LY9: variants seen among roughly 807,000 people sequenced by gnomAD.
The protein encoded by LY9 is lymphocyte antigen 9.
A neutral mutation model predicts 64.6 loss-of-function variants in LY9; 59 were observed. The ratio of observed to expected loss-of-function variants is 0.91; its 90% CI spans 0.74 to 1.13. LY9 has a LOEUF of 1.13. Among genes scored for constraint, LY9 ranks in the 50% most tolerant of loss-of-function variants. LY9 has a pLI of 0.00. For synonymous variants in LY9, 281 were observed against 308.5 expected (o/e 0.91, Z 0.93); for missense variants, 789 against 797.2 (o/e 0.99, Z 0.12).
Position 160,813,829 on chromosome 1 carries a change from A to T in LY9, c.648A>T (p.Pro216=). 6.2e-7 allele frequency: 1 copy of T among 1,614,202 alleles called. No homozygotes were observed. Among genetic ancestry groups the T allele is most frequent in the Non-Finnish European group, 8.5e-7 (1 of 1,180,040 alleles). ...ILTVSRTPCD[P]DLPYICTAQN... ...CCGTCTCCCGAACACCATGTGACCC[A>T]GACCTGCCATACATCTGCACAGCCC... The change falls in exon 3 of 10, where the codon CCA becomes CCT. Residue 216 remains proline (P), a synonymous_variant. Transcript: ENST00000263285.
chr1:160,813,886 T>G lies in LY9; in HGVS notation c.705T>G (p.Pro235=), dbSNP rs1427738266. 1.2e-6 allele frequency: 2 copies of G among 1,614,114 alleles called. No homozygotes were observed. Among genetic ancestry groups the G allele is most frequent in the Non-Finnish European group, 8.5e-7 (1 of 1,179,990 alleles). The change falls in exon 3 of 10, where the codon CCT becomes CCG. Residue 235 remains proline, a synonymous_variant. Transcript: ENST00000263285. The part of the protein sequence containing the change: ...QNPVSQRSSL[P]VHVGQFCTDP... ...CCGTCAGCCAGAGAAGCTCCCTCCCTGTCCATGTTGGGCAGTTCTGTACAG... is the reference window on the plus strand; with the variant it reads ...CCGTCAGCCAGAGAAGCTCCCTCCCGGTCCATGTTGGGCAGTTCTGTACAG...
intron 1 of LY9, chr1:160,797,190 G>A (rs146470952): frequency 1.0e-6 from 1 of 985,516 alleles, no homozygotes; most frequent in Admixed American, 6.1e-5. Context: ...CAGTACCCCA[G>A]AGAGGATCTC....
rs1184975678 is a variant in LY9, at chr1:160,799,802, C to A, written c.174C>A (p.Ile58=). ...KDSAPTVVSG[I]LGGSVTLPLN... ...CAGCCCCAACAGTGGTGTCAGGGAT[C>A]CTAGGGGGTTCCGTGACTCTCCCCC... The change falls in exon 2 of 10, where the codon ATC becomes ATA. Residue 58 remains isoleucine (I), a synonymous_variant. Coordinates refer to ENST00000263285, the MANE Select transcript of LY9 (RefSeq NM_002348.4). 6.2e-7 allele frequency: 1 copy of A among 1,613,894 alleles called. No homozygotes were observed. The highest frequency in any genetic ancestry group is 8.5e-7 in the Non-Finnish European group (1 of 1,179,844).
intron 9 of LY9, 46 bp from the exon 10 acceptor site, chr1:160,827,702 C>G: frequency 1.3e-6 from 2 of 1,484,114 alleles, no homozygotes. Flanking sequence ...CCTCACTCTT[C>G]CAAGGCTTTA....
intron 2 of LY9, chr1:160,801,760 C>T (rs1228152950): frequency 6.4e-7 from 1 of 1,553,338 alleles, no homozygotes; most frequent in South Asian, 1.1e-5. Flanking sequence ...CAACTTCATT[C>T]TTCTGCATGT....
intron 2 of LY9, chr1:160,802,135 TG>T (rs754771191): frequency 5.4e-4 from 720 of 1,322,056 alleles, no homozygotes; most frequent in Non-Finnish European, 6.6e-4. Flanking sequence ...TCCTGGTCTG[TG>T]AAGAGCCGCT....
chr1:160,808,982 C>T (rs896000816), intron 2 of LY9, among the ~76,000 whole-genome samples: 1 of 152,010 alleles, frequency 6.6e-6, no homozygotes, highest in Non-Finnish European at 1.5e-5. Context: ...TATATAATCG[C>T]CATAATTCAT....
At chr1:160,807,819 G>T (rs1048590462) in intron 2 of LY9, among the ~76,000 whole-genome samples, 1 of 152,126 alleles carries the variant, frequency 6.6e-6, no homozygotes, top group Admixed American at 6.5e-5. Flanking sequence ...AGTGGATTGG[G>T]TTGGGCAATC....
chr1:160,812,001 C>G (rs1667513038), intron 2 of LY9: 1 of 152,252 alleles, frequency 6.6e-6, no homozygotes, highest in African/African-American at 2.4e-5. Context: ...CATCCCACTT[C>G]TGGTATCAAA....
rs753846987 is a variant in LY9 at position 160,827,845 on chromosome 1, G to A, written c.*29G>A. 1.3e-6 allele frequency: 2 copies of A among 1,589,552 alleles called. No individual in the cohort carries two copies. The highest frequency in any genetic ancestry group is 4.5e-5 in the East Asian group (2 of 44,090). On this transcript the variant is annotated 3_prime_UTR_variant, in exon 10 of 10. Transcript: ENST00000263285. Reference sequence around the variant, plus strand: ...GAAAAGCAGCTGCTGCCTCTCTCCTGGGACCGTGGGGTTGGAAAGTCAGCT... The same window carrying A: ...GAAAAGCAGCTGCTGCCTCTCTCCTAGGACCGTGGGGTTGGAAAGTCAGCT...
rs965061878 is a variant in LY9, at chr1:160,818,386, T to C, written c.1444+67T>C. On this transcript the variant is annotated intron_variant, in intron 6 of 9. Coordinates refer to ENST00000263285, the MANE Select transcript of LY9 (RefSeq NM_002348.4). ...TTTCCCTGGGACTTGTGGAGGCTTCTCTGCCCTCACACAATCCCGTGCTAC... is the reference window on the plus strand; with the variant it reads ...TTTCCCTGGGACTTGTGGAGGCTTCCCTGCCCTCACACAATCCCGTGCTAC... The C allele has an allele frequency of 5.9e-6, 7 of 1,193,748 alleles. No homozygotes were observed. The African/African-American group carries it at 1.1e-4, about 18-fold the overall frequency. 73.9% of individuals were successfully genotyped at this position (1,193,748 alleles called of 1,614,324 possible).
chr1:160,802,033 C>A (rs969298084), intron 2 of LY9: 27 of 1,453,910 alleles, frequency 1.9e-5, no homozygotes, highest in Non-Finnish European at 2.3e-5. Flanking sequence ...CCACTGCCCC[C>A]CGAGGCTGCT....
At chr1:160,798,001 T>C (rs1666059914) in intron 1 of LY9, among the ~76,000 whole-genome samples, 2 of 152,176 alleles carry the variant, frequency 1.3e-5, no homozygotes, top group Admixed American at 1.3e-4. Context: ...AGTTTTGCAA[T>C]CTTTGAATGC....
intron 7 of LY9, among the ~76,000 whole-genome samples, chr1:160,821,167 A>AAAAAAC (rs1553192089): frequency 1.3e-5 from 2 of 151,548 alleles, no homozygotes; most frequent in Admixed American, 6.6e-5. Context: ...AAAAAAAAAA[A>AAAAAAC]AACCATATAT....
rs1218503960 is a variant in LY9 at position 160,818,099 on chromosome 1, CT to C, written c.1343-116del. The C allele has an allele frequency of 4.2e-5, 29 of 686,044 alleles. No individual in the cohort carries two copies. The African/African-American group carries it at 4.4e-4, about 10-fold the overall frequency. The allele number at this position is 686,044 out of a possible 1,614,324, so 42.5% of individuals were successfully genotyped here. On this transcript the variant is annotated intron_variant, in intron 5 of 9. Transcript: ENST00000263285. ...GTTGTAGAATGAATGAAAAGAAAGACTTTCCACAACGTCATGGATTTTAAGG... is the reference window on the plus strand; with the variant it reads ...GTTGTAGAATGAATGAAAAGAAAGACTTCCACAACGTCATGGATTTTAAGG...
chr1:160,818,317 G>T lies in LY9; in HGVS notation c.1442G>T (p.Arg481Leu), dbSNP rs375643784. Residue 481 changes from arginine (R) to leucine (L), a missense_variant and splice_region_variant, in exon 6 of 10, where the codon CGG (arginine) becomes CTG (leucine). Transcript: ENST00000263285. Reference protein sequence around the residue: ...FSWCIWKRKGRCSVPAFCSSQ... With the variant: ...FSWCIWKRKGLCSVPAFCSSQ... ...TGGTGCATTTGGAAGCGAAAAGGAC[G>T]GTGTGAGTTTCCGAGATCAATGTTG... 1.9e-6 allele frequency: 3 copies of T among 1,612,466 alleles called. No homozygotes were observed. The African/African-American group carries it at 4.0e-5, about 22-fold the overall frequency.
At chr1:160,806,304 C>T (rs75064001) in intron 2 of LY9, among the ~76,000 whole-genome samples, 1 of 152,120 alleles carries the variant, frequency 6.6e-6, no homozygotes, top group African/African-American at 2.4e-5. Context: ...TGACATCATT[C>T]AAGTCCTTTC....
intron 7 of LY9, among the ~76,000 whole-genome samples, chr1:160,821,825 G>A (rs1668471728): frequency 6.6e-6 from 1 of 152,192 alleles, no homozygotes; most frequent in Non-Finnish European, 1.5e-5. Context: ...GGCCAGCCGG[G>A]AGGGGGCAGG....
At position 160,816,673 on chromosome 1, in the gene LY9, C is replaced by T. The variant is rs759198956; in HGVS notation, c.1152C>T (p.Ser384=). The T allele has an allele frequency of 3.7e-5, 60 of 1,614,154 alleles. No individual in the cohort carries two copies. Among genetic ancestry groups the T allele is most frequent in the South Asian group, 5.5e-5 (5 of 91,072 alleles). ...DGICRISLTC[S]VEDGGNTVMY... is the part of the protein sequence containing the mutation. ...TCTGCAGGATCAGCCTGACCTGCTCCGTGGAGGACGGGGGAAACACTGTCA... is the reference window on the plus strand; with the variant it reads ...TCTGCAGGATCAGCCTGACCTGCTCTGTGGAGGACGGGGGAAACACTGTCA... Residue 384 remains serine, a synonymous_variant, in exon 5 of 10, where the codon TCC becomes TCT. Coordinates refer to ENST00000263285, the MANE Select transcript of LY9 (RefSeq NM_002348.4).
Sources: allele counts gnomAD v4.1 joint callset (sites outside exome capture counted in the v4.1 genomes callset), GRCh38; gene constraint gnomAD v4.1.1; transcripts MANE v1.5; gene names NCBI Gene and HGNC (gene_info 2026-07-23, HGNC 2026-07-21).